Variants in RNF149 observed in about 807,000 individuals in gnomAD.
RNF149 encodes E3 ubiquitin-protein ligase RNF149.
Under a neutral mutation model 39.0 loss-of-function variants are expected in RNF149, and 21 were observed. The ratio of observed to expected loss-of-function variants is 0.54; its 90% CI spans 0.38 to 0.77. RNF149 has a LOEUF of 0.77. Ranked by LOEUF, RNF149 falls within the 30% of genes least tolerant of loss-of-function variation. The pLI, the probability that RNF149 is intolerant of heterozygous loss-of-function variation, is 0.00. For missense variants in RNF149, 493 were observed against 534.9 expected (o/e 0.92, Z 0.77); for synonymous variants, 209 against 213.6 (o/e 0.98, Z 0.19).
chr2:101,304,242 CA>C, intron 1 of RNF149, among the ~76,000 whole-genome samples: 1 of 152,082 alleles, frequency 6.6e-6, no homozygotes, highest in Non-Finnish European at 1.5e-5. Context: ...ACAAAAAATA[CA>C]AAAATTAGCC....
intron 5 of RNF149, among the ~76,000 whole-genome samples, chr2:101,283,145 C>T (rs1181430744): frequency 2.0e-5 from 3 of 152,200 alleles, no homozygotes; most frequent in African/African-American, 7.2e-5. Flanking sequence ...CTCAAATGCA[C>T]TTGCCCCACC....
chr2:101,278,370 C>T (rs1025800232), intron 6 of RNF149, among the ~76,000 whole-genome samples: 2 of 152,086 alleles, frequency 1.3e-5, no homozygotes, highest in Non-Finnish European at 2.9e-5. Context: ...TGGCCTCATG[C>T]GATGCAATCT....
At chr2:101,280,670 A>G (rs1573221781) in intron 6 of RNF149, among the ~76,000 whole-genome samples, 1 of 152,200 alleles carries the variant, frequency 6.6e-6, no homozygotes, top group East Asian at 1.9e-4. Flanking sequence ...AAAATATATG[A>G]CAAAGCCCTA....
At chr2:101,304,835 A>ATTTTTTTTTTTTTTTTT (rs11340908) in intron 1 of RNF149, among the ~76,000 whole-genome samples, 1 of 89,750 alleles carries the variant, frequency 1.1e-5, no homozygotes. Context: ...GACTACTAGT[A>ATTTTTTTTTTTTTTTTT]TTTTTTTTTT....
intron 2 of RNF149, chr2:101,294,505 ACTTTC>A (rs1683144269): frequency 1.0e-5 from 2 of 198,540 alleles, no homozygotes; most frequent in Admixed American, 1.1e-4. Flanking sequence ...AGAACAGTCA[ACTTTC>A]CACAATGACA....
At chr2:101,289,275 T>C (rs997501352) in intron 3 of RNF149, among the ~76,000 whole-genome samples, 3 of 152,254 alleles carry the variant, frequency 2.0e-5, no homozygotes, top group Non-Finnish European at 2.9e-5. Flanking sequence ...TGATCAGATA[T>C]GAACAGTGTT....
Position 101,308,638 on chromosome 2 carries a change from G to C in RNF149, c.-50C>G, listed in dbSNP as rs964634536. 1.4e-6 allele frequency: 2 copies of C among 1,426,478 alleles called. No individual in the cohort carries two copies. Among genetic ancestry groups the C allele is most frequent in the Non-Finnish European group, 1.8e-6 (2 of 1,088,292 alleles). The allele number at this position is 1,426,478 out of a possible 1,614,324, so 88.4% of individuals were successfully genotyped here. ...GGGAGTCAGGGTCACGCGCGAGTGC[G>C]GTGCAGTCGAAGAGCAGAGAGAAGC... On this transcript the variant is annotated 5_prime_UTR_variant, in exon 1 of 7. Transcript: ENST00000295317.
At chr2:101,281,409 C>T (rs1192793) in intron 6 of RNF149, 130,152 of 157,672 alleles carry the variant, frequency 0.83, 54,469 homozygotes, top group East Asian at 1. Context: ...ACGTGGGGGA[C>T]GACTATTTTC....
chr2:101,291,371 G>A (rs1388270251), intron 3 of RNF149, among the ~76,000 whole-genome samples: 4 of 151,052 alleles, frequency 2.6e-5, no homozygotes, highest in African/African-American at 2.4e-5. Flanking sequence ...AGCTGGTCTC[G>A]AACTCCTGAC....
intron 1 of RNF149, chr2:101,307,904 G>A (rs2104446794): frequency 2.0e-6 from 2 of 985,350 alleles, no homozygotes; most frequent in South Asian, 9.4e-5. Flanking sequence ...TCACCTCATC[G>A]ATCAAAGGCG....
rs1210263657 is a variant in RNF149 at position 101,308,125 on chromosome 2, T to A, written c.460+4A>T. The A allele has an allele frequency of 6.2e-7, 1 of 1,607,398 alleles. No homozygotes were observed. The highest frequency in any genetic ancestry group is 1.7e-5 in the Admixed American group (1 of 59,816). On this transcript the variant is annotated splice_donor_region_variant and intron_variant, in intron 1 of 6. Coordinates refer to ENST00000295317, the MANE Select transcript of RNF149 (RefSeq NM_173647.4). ...CTCCCGTCCTCGCGCCCCGGCCTGC[T>A]CACCCGCGTGAGACATGGGCAAGGT...
chr2:101,277,301 G>A lies in RNF149; in HGVS notation c.1160-20C>T. ...CGGCTTCTGCAAGAGAGCAACATAA[G>A]CTACTCCATCAGAAGAGGGCAGCAT... On this transcript the variant is annotated intron_variant, in intron 6 of 6. Coordinates refer to ENST00000295317, the MANE Select transcript of RNF149 (RefSeq NM_173647.4). 1 of 1,607,288 alleles carries A rather than the reference G, an allele frequency of 6.2e-7. No individual in the cohort carries two copies. The highest frequency in any genetic ancestry group is 8.5e-7 in the Non-Finnish European group (1 of 1,176,912).
At chr2:101,275,110 T>G (rs1313988041), downstream of RNF149, among the ~76,000 whole-genome samples, 1 of 97,640 alleles carries the variant, frequency 1.0e-5, no homozygotes, top group African/African-American at 3.9e-5. Flanking sequence ...CTAGTATTTC[T>G]GTTTTTTTTT....
intron 1 of RNF149, among the ~76,000 whole-genome samples, chr2:101,302,418 T>C (rs988555699): frequency 2.0e-5 from 3 of 152,186 alleles, no homozygotes; most frequent in African/African-American, 7.2e-5. Flanking sequence ...AACAAACGTT[T>C]TTATGGTTGG....
intron 6 of RNF149, chr2:101,281,508 T>G (rs1465407113): frequency 5.3e-5 from 8 of 151,052 alleles, no homozygotes; most frequent in Middle Eastern, 3.0e-3. Flanking sequence ...TTTTTTTTTT[T>G]TTTAAGAGAC....
At chr2:101,305,701 G>A (rs112833901) in intron 1 of RNF149, among the ~76,000 whole-genome samples, 1,558 of 152,212 alleles carry the variant, frequency 0.01, 34 homozygotes, top group African/African-American at 0.035. Context: ...ATGGGGTGAG[G>A]GGGGTATGAA....
chr2:101,275,466 G>A (rs1682307773), downstream of RNF149, among the ~76,000 whole-genome samples: 1 of 83,028 alleles, frequency 1.2e-5, no homozygotes, highest in South Asian at 4.4e-4. Context: ...TTTTGAGACG[G>A]AGTCTCGCTC....
In RNF149 at chr2:101,276,467, T is replaced by C; in HGVS notation, c.*771A>G. 1 of 985,688 alleles carries C rather than the reference T, an allele frequency of 1.0e-6. No homozygotes were observed. 61.1% of individuals were successfully genotyped at this position (985,688 alleles called of 1,614,324 possible). ...TGTAAAGATTAAATTGTAACTGAAA[T>C]CAATATAACAGATTCTGAGTCTGCC... is the stretch of plus-strand genomic sequence containing the variant. On this transcript the variant is annotated 3_prime_UTR_variant, in exon 7 of 7. Coordinates refer to ENST00000295317, the MANE Select transcript of RNF149 (RefSeq NM_173647.4).
intron 1 of RNF149, among the ~76,000 whole-genome samples, chr2:101,300,870 C>T (rs149602315): frequency 2.6e-5 from 4 of 152,200 alleles, no homozygotes; most frequent in Non-Finnish European, 5.9e-5. Context: ...AGTATGTGCA[C>T]AACTGCAAGG....
Sources: gnomAD v4.1 joint callset for allele counts (sites outside exome capture counted in the v4.1 genomes callset) on GRCh38, gnomAD v4.1.1 for gene constraint, MANE v1.5 for transcripts, NCBI Gene and HGNC (gene_info 2026-07-23, HGNC 2026-07-21) for gene names.